The following GPR158 variants were observed in gnomAD, a reference collection of about 807,000 sequenced individuals.
GPR158 encodes the protein G protein-coupled receptor 158.
GPR158 carries 30 observed loss-of-function variants against 78.2 expected under a neutral mutation model. That is an observed-to-expected ratio of 0.38 (90% CI 0.29 to 0.52). The LOEUF is 0.52. GPR158 is among the 20% of genes least tolerant of loss of function. GPR158 has a pLI of 0.83. For synonymous variants in GPR158, 581 were observed against 591.1 expected (o/e 0.98, Z 0.25); for missense variants, 1,463 against 1,523.5 (o/e 0.96, Z 0.66).
At chr10:25,253,988 T>G (rs550019889) in intron 2 of GPR158, among the ~76,000 whole-genome samples, 2 of 152,240 alleles carry the variant, frequency 1.3e-5, no homozygotes, top group Non-Finnish European at 2.9e-5. Context: ...ATTAGCATTG[T>G]TTAGTTTGCT....
chr10:25,545,806 C>A (rs1836654732), intron 5 of GPR158, among the ~76,000 whole-genome samples: 1 of 152,146 alleles, frequency 6.6e-6, no homozygotes. Flanking sequence ...CTCATCCCTT[C>A]CACATCATGT....
chr10:25,313,687 T>C (rs7896949), intron 2 of GPR158, among the ~76,000 whole-genome samples: 30,692 of 151,998 alleles, frequency 0.2, 5,207 homozygotes, highest in African/African-American at 0.47. Flanking sequence ...ATAAATCTTA[T>C]TTGGTCATGA....
rs1471027947 is a variant in GPR158, at chr10:25,176,192, G to C, written c.772G>C (p.Gly258Arg). 2 of 1,580,538 alleles carry C rather than the reference G, an allele frequency of 1.3e-6. No individual in the cohort carries two copies. Among genetic ancestry groups the C allele is most frequent in the African/African-American group, 2.7e-5 (2 of 74,810 alleles). ...HSWRRKDGLG[G>R]DKSHFKWSPP... The stretch of plus-strand genomic sequence containing the variant: ...CTGGCGGCGCAAGGACGGGCTCGGC[G>C]GGGACAAGAGCCACTTCAAGTGGTC... Residue 258 changes from glycine to arginine, a missense_variant, in exon 1 of 11, where the codon GGG becomes CGG. Transcript: ENST00000376351. The surrounding 1 kb of genome is among the most constrained non-coding windows in gnomAD (Gnocchi z 6.3).
At chr10:25,493,267 T>C (rs1835835628) in intron 5 of GPR158, among the ~76,000 whole-genome samples, 1 of 152,180 alleles carries the variant, frequency 6.6e-6, no homozygotes, top group South Asian at 2.1e-4. Context: ...GTTCTGCCTT[T>C]GTCCTCTCTG....
intron 8 of GPR158, 100 bp downstream of exon 8, chr10:25,589,245 C>A (rs1212868458): frequency 1.5e-5 from 11 of 730,420 alleles, no homozygotes; most frequent in Non-Finnish European, 2.1e-5. Context: ...AAAGACTTAG[C>A]AAAGATAGCA....
chr10:25,274,802 G>A (rs1854162119), intron 2 of GPR158, among the ~76,000 whole-genome samples: 1 of 152,086 alleles, frequency 6.6e-6, no homozygotes, highest in Non-Finnish European at 1.5e-5. Flanking sequence ...TGTGTTCTTT[G>A]GTGTATTGTA....
At chr10:25,381,068 G>A (rs1834148029) in intron 2 of GPR158, among the ~76,000 whole-genome samples, 1 of 152,190 alleles carries the variant, frequency 6.6e-6, no homozygotes, top group African/African-American at 2.4e-5. Context: ...GGTAAGTCCA[G>A]GAAGAGGAAG....
At chr10:25,209,557 G>GAC (rs151079607) in intron 1 of GPR158, among the ~76,000 whole-genome samples, 14 of 151,950 alleles carry the variant, frequency 9.2e-5, no homozygotes, top group African/African-American at 2.9e-4. Flanking sequence ...ATGTAGTAGG[G>GAC]ACACACACAC....
chr10:25,338,392 T>A (rs550181169), intron 2 of GPR158, among the ~76,000 whole-genome samples: 71 of 134,460 alleles, frequency 5.3e-4, no homozygotes, highest in Non-Finnish European at 8.6e-4. Context: ...TCTCTCTCTA[T>A]ATATATTATT....
rs77972307 is a variant in GPR158 at position 25,217,149 on chromosome 10, A to G, written c.903-3903A>G. Among the ~76,000 whole-genome samples the G allele has an allele frequency of 4.9e-4, 75 of 152,346 alleles. 1 individual carries two copies. The highest frequency in any genetic ancestry group is 8.7e-4 in the Non-Finnish European group (59 of 68,026). ...GAGTTTTGTGGTCAACTGTTCTCAT[A>G]AAACTTGCAAAAATAAGATATTTTG... is the stretch of plus-strand genomic sequence containing the variant. On this transcript the variant is annotated intron_variant, in intron 1 of 10. Transcript: ENST00000376351.
intron 2 of GPR158, among the ~76,000 whole-genome samples, chr10:25,364,834 T>C (rs1855694778): frequency 6.6e-6 from 1 of 151,762 alleles, no homozygotes; most frequent in South Asian, 2.1e-4. Context: ...AATGTGTTTG[T>C]TTTGGTGGTT....
chr10:25,420,434 T>C (rs1481715147), intron 4 of GPR158, among the ~76,000 whole-genome samples: 1 of 152,174 alleles, frequency 6.6e-6, no homozygotes, highest in African/African-American at 2.4e-5. Flanking sequence ...ATTACCAGCA[T>C]GAGCCACCTT....
intron 4 of GPR158, among the ~76,000 whole-genome samples, chr10:25,441,715 T>G (rs1205155247): frequency 6.6e-6 from 1 of 152,176 alleles, no homozygotes; most frequent in Non-Finnish European, 1.5e-5. Context: ...CTTATAACCT[T>G]GAAAATTATT....
Position 25,466,642 on chromosome 10 carries a change from T to C in GPR158, c.1336-9T>C, listed in dbSNP as rs777439809. 1 of 1,592,608 alleles carries C rather than the reference T, an allele frequency of 6.3e-7. No individual in the cohort carries two copies. Among genetic ancestry groups the C allele is most frequent in the South Asian group, 1.1e-5 (1 of 88,824 alleles). ...AGTTAGTAATGACGTTTTTATTTTG[T>C]TTTTTCAGAGCATCCGGGCATCGGG... is the stretch of plus-strand genomic sequence containing the variant. On this transcript the variant is annotated splice_polypyrimidine_tract_variant and intron_variant, in intron 4 of 10. Coordinates refer to ENST00000376351, the MANE Select transcript of GPR158 (RefSeq NM_020752.3).
At chr10:25,419,129 ACT>A (rs1387481554) in intron 4 of GPR158, among the ~76,000 whole-genome samples, 3 of 151,878 alleles carry the variant, frequency 2.0e-5, no homozygotes, top group African/African-American at 4.8e-5. Flanking sequence ...CACAAACCAA[ACT>A]CTCTACCCAT....
chr10:25,326,076 C>A (rs1855027082), intron 2 of GPR158, among the ~76,000 whole-genome samples: 2 of 152,136 alleles, frequency 1.3e-5, no homozygotes, highest in South Asian at 4.1e-4. Context: ...AGGCCAGCAT[C>A]CATTAGCTAT....
At chr10:25,295,659 C>T (rs888711586) in intron 2 of GPR158, among the ~76,000 whole-genome samples, 7 of 152,040 alleles carry the variant, frequency 4.6e-5, no homozygotes, top group East Asian at 1.9e-4. Context: ...GTGATCCACC[C>T]GCCTCGGCCT....
chr10:25,250,672 G>A (rs893560624), intron 2 of GPR158, among the ~76,000 whole-genome samples: 6 of 148,688 alleles, frequency 4.0e-5, no homozygotes, highest in African/African-American at 1.5e-4. Context: ...ACTGTGGTCT[G>A]AGAGATAGTT....
Position 25,532,734 on chromosome 10 carries a change from T to G in GPR158, c.1405-18242T>G, listed in dbSNP as rs545066667. Among the ~76,000 whole-genome samples, 21 of 109,102 alleles carry G rather than the reference T, an allele frequency of 1.9e-4. No individual in the cohort carries two copies. In the East Asian group the frequency reaches 4.6e-3, roughly 24 times the overall value. The allele number at this position is 109,102 out of a possible 152,430, so 71.6% of individuals were successfully genotyped here. On this transcript the variant is annotated intron_variant, in intron 5 of 10. Transcript: ENST00000376351. ...TTCCTTTATTACAAAAGTGACACAT[T>G]TGTTGTAAAAAAAAAAAAATACCAA... is the stretch of plus-strand genomic sequence containing the variant.
Sources: gnomAD v4.1 joint callset for allele counts (sites outside exome capture counted in the v4.1 genomes callset) on GRCh38, gnomAD v4.1.1 for gene constraint, Gnocchi (gnomAD v3.1) non-coding constraint, MANE v1.5 for transcripts, NCBI Gene and HGNC (gene_info 2026-07-23, HGNC 2026-07-21) for gene names.